The following APLP2 variants were observed in gnomAD, a reference collection of about 807,000 sequenced individuals.
APLP2 encodes the protein CDEI box-binding protein.
A neutral mutation model predicts 89.9 loss-of-function variants in APLP2; 53 were observed. The observed-to-expected ratio is 0.59, with a 90% CI of 0.47 to 0.74. The LOEUF is 0.74. APLP2 is among the 30% of genes least tolerant of loss of function. The pLI, the probability that APLP2 is intolerant of heterozygous loss-of-function variation, is 0.00. For missense variants in APLP2, 973 were observed against 975.9 expected (o/e 1.00, Z 0.04); for synonymous variants, 372 against 348.6 (o/e 1.07, Z -0.75).
chr11:130,121,043 T>A (rs922547663), intron 4 of APLP2, among the ~76,000 whole-genome samples: 1 of 152,156 alleles, frequency 6.6e-6, no homozygotes, highest in Non-Finnish European at 1.5e-5. Flanking sequence ...TTGAGGATGT[T>A]AAGGAGGTGG....
intron 12 of APLP2, among the ~76,000 whole-genome samples, chr11:130,134,048 T>A (rs1481670622): frequency 6.6e-6 from 1 of 152,252 alleles, no homozygotes; most frequent in Non-Finnish European, 1.5e-5. Context: ...GTTCTGATTA[T>A]TTCAAGCACC....
chr11:130,083,026 CTTTTTTTTTTTTTTTTT>C (rs553962550), intron 1 of APLP2, among the ~76,000 whole-genome samples: 1 of 72,488 alleles, frequency 1.4e-5, no homozygotes, highest in Non-Finnish European at 2.6e-5. Flanking sequence ...CTTTTCTTTT[CTTTTTTTTTTTTTTTTT>C]TTTTTTTTTT....
chr11:130,122,598 C>G, intron 6 of APLP2, 85 bp downstream of exon 6: 1 of 1,568,604 alleles, frequency 6.4e-7, no homozygotes, highest in Non-Finnish European at 8.7e-7. Context: ...ACAGGTAAGT[C>G]AGTCACAGAA....
chr11:130,101,510 T>C (rs951923851), intron 1 of APLP2: 1 of 158,904 alleles, frequency 6.3e-6, no homozygotes, highest in Non-Finnish European at 1.4e-5. Context: ...AATACACTTT[T>C]CAGGTATTGA....
chr11:130,074,548 TA>T (rs2135327943), intron 1 of APLP2, among the ~76,000 whole-genome samples: 1 of 152,332 alleles, frequency 6.6e-6, no homozygotes, highest in African/African-American at 2.4e-5. Context: ...TTACCCTTAC[TA>T]AATTTTGAGG....
intron 1 of APLP2, among the ~76,000 whole-genome samples, chr11:130,076,883 C>T (rs1461817426): frequency 6.6e-6 from 1 of 152,160 alleles, no homozygotes; most frequent in Admixed American, 6.5e-5. Context: ...CAAAGCAAGC[C>T]TTGGCAAGGG....
intron 1 of APLP2, among the ~76,000 whole-genome samples, chr11:130,097,519 C>A (rs1946366507): frequency 6.6e-6 from 1 of 152,078 alleles, no homozygotes; most frequent in Admixed American, 6.5e-5. Flanking sequence ...TATAGTGGGA[C>A]CCCGTCTCTG....
intron 3 of APLP2, 68 bp downstream of exon 3, chr11:130,110,729 G>T: frequency 6.7e-7 from 1 of 1,502,592 alleles, no homozygotes. Context: ...TTTTCTCTTG[G>T]CTCACAGTGA....
rs577516579 is a variant in APLP2 at position 130,084,241 on chromosome 11, G to A, written c.105+14159G>A. ...AGCCTGGGCGATAGAGCGAGACTCC[G>A]TCTCAAAAAAAAAAAAATGCTTTTT... On this transcript the variant is annotated intron_variant, in intron 1 of 16. Transcript: ENST00000338167. Among the ~76,000 whole-genome samples, 298 of 146,970 alleles carry A rather than the reference G, an allele frequency of 2.0e-3. 1 individual carries two copies. The highest frequency in any genetic ancestry group is 3.1e-3 in the Non-Finnish European group (206 of 67,386).
chr11:130,091,571 G>C (rs1282024577), intron 1 of APLP2, among the ~76,000 whole-genome samples: 2 of 142,452 alleles, frequency 1.4e-5, no homozygotes, highest in African/African-American at 2.7e-5. Context: ...TCCCGGACGG[G>C]GCGGCTGGCC....
intron 1 of APLP2, among the ~76,000 whole-genome samples, chr11:130,093,806 T>C (rs1367558206): frequency 6.6e-6 from 1 of 151,932 alleles, no homozygotes; most frequent in Non-Finnish European, 1.5e-5. Context: ...TGGAGTGGCA[T>C]GATCTCACGT....
At chr11:130,081,268 T>C (rs1943108121) in intron 1 of APLP2, among the ~76,000 whole-genome samples, 1 of 152,214 alleles carries the variant, frequency 6.6e-6, no homozygotes, top group African/African-American at 2.4e-5. Context: ...CACTCTGCAA[T>C]TTTAAATGTA....
chr11:130,140,725 A>G (rs982809790), intron 14 of APLP2: 1 of 301,488 alleles, frequency 3.3e-6, no homozygotes, highest in Non-Finnish European at 6.1e-6. Flanking sequence ...AAATATATTT[A>G]CAACTAAAGA....
At chr11:130,083,297 A>C (rs959073050) in intron 1 of APLP2, among the ~76,000 whole-genome samples, 1 of 151,930 alleles carries the variant, frequency 6.6e-6, no homozygotes, top group Non-Finnish European at 1.5e-5. Flanking sequence ...GGCCTCCCCA[A>C]GTGCTGTGAT....
At chr11:130,100,691 TA>T (rs1946789826) in intron 1 of APLP2, among the ~76,000 whole-genome samples, 1 of 152,210 alleles carries the variant, frequency 6.6e-6, no homozygotes, top group Admixed American at 6.5e-5. Context: ...AAAGCTCTAA[TA>T]AAAGCTGGAG....
chr11:130,096,098 G>A (rs949514640), intron 1 of APLP2, among the ~76,000 whole-genome samples: 1 of 152,212 alleles, frequency 6.6e-6, no homozygotes, highest in Non-Finnish European at 1.5e-5. Flanking sequence ...TCCTGAGGGT[G>A]AGACCACCAC....
chr11:130,118,689 C>G (rs1469070810), intron 3 of APLP2, among the ~76,000 whole-genome samples: 1 of 152,166 alleles, frequency 6.6e-6, no homozygotes, highest in Non-Finnish European at 1.5e-5. Flanking sequence ...GAGGCAGATT[C>G]TAGCTTACTG....
intron 3 of APLP2, among the ~76,000 whole-genome samples, chr11:130,117,856 C>T (rs1949375717): frequency 6.6e-6 from 1 of 152,064 alleles, no homozygotes; most frequent in African/African-American, 2.4e-5. Flanking sequence ...GGGTGGATCA[C>T]AAGGTCAGTA....
At chr11:130,070,473 C>T (rs900545859) in intron 1 of APLP2, 3 of 1,002,154 alleles carry the variant, frequency 3.0e-6, no homozygotes, top group African/African-American at 3.5e-5. Context: ...GCTGGGCTTT[C>T]TCCAGGGGCG....
Sources: allele counts gnomAD v4.1 joint callset (sites outside exome capture counted in the v4.1 genomes callset), GRCh38; gene constraint gnomAD v4.1.1; transcripts MANE v1.5; gene names NCBI Gene and HGNC (gene_info 2026-07-23, HGNC 2026-07-21).